CLNK: variants seen among roughly 807,000 people sequenced by gnomAD.
The protein encoded by CLNK is cytokine dependent hematopoietic cell linker.
CLNK carries 74 observed loss-of-function variants against 68.6 expected under a neutral mutation model. That is an observed-to-expected ratio of 1.08 (90% CI 0.89 to 1.31). The LOEUF (loss-of-function observed/expected upper bound fraction) is 1.31. Among genes scored for constraint, CLNK ranks in the 50% most tolerant of loss-of-function variants. CLNK has a pLI of 0.00. For missense variants in CLNK, 553 were observed against 515.3 expected (o/e 1.07, Z -0.71); for synonymous variants, 198 against 172.2 (o/e 1.15, Z -1.17).
intron 2 of CLNK, among the ~76,000 whole-genome samples, chr4:10,644,083 G>A (rs1723419222): frequency 6.6e-6 from 1 of 152,232 alleles, no homozygotes; most frequent in Non-Finnish European, 1.5e-5. Context: ...TGGAATGTCA[G>A]GAAGCTGAGT....
the CLNK span, among the ~76,000 whole-genome samples, chr4:10,695,155 C>T: frequency 6.6e-6 from 1 of 151,556 alleles, no homozygotes; most frequent in Non-Finnish European, 1.5e-5. Context: ...TTGTATATTT[C>T]AAAATTGCTA....
chr4:10,626,722 G>A (rs1722690706), intron 2 of CLNK, among the ~76,000 whole-genome samples: 1 of 152,188 alleles, frequency 6.6e-6, no homozygotes, highest in African/African-American at 2.4e-5. Context: ...AATCATATTT[G>A]ATGACTGCAT....
At chr4:10,734,268 T>C in the CLNK span, among the ~76,000 whole-genome samples, 2 of 152,348 alleles carry the variant, frequency 1.3e-5, no homozygotes, top group East Asian at 3.9e-4. Flanking sequence ...TTTTGTTGCA[T>C]GCAATGCTAT....
chr4:10,590,946 A>C (rs1018464652), intron 3 of CLNK, among the ~76,000 whole-genome samples: 3 of 152,180 alleles, frequency 2.0e-5, no homozygotes, highest in Non-Finnish European at 2.9e-5. Flanking sequence ...ACCATAAACG[A>C]ACCCTTTAAT....
intron 2 of CLNK, among the ~76,000 whole-genome samples, chr4:10,656,176 A>G (rs1414290690): frequency 6.6e-6 from 1 of 152,108 alleles, no homozygotes; most frequent in Non-Finnish European, 1.5e-5. Flanking sequence ...TGAATGAATC[A>G]TAAGGAAAAG....
intron 7 of CLNK, among the ~76,000 whole-genome samples, chr4:10,560,654 G>T (rs1302686469): frequency 6.6e-6 from 1 of 151,930 alleles, no homozygotes; most frequent in Non-Finnish European, 1.5e-5. Context: ...ATGTTACCCA[G>T]GCTGGTCTTG....
Position 10,643,634 on chromosome 4 carries a change from A to G in CLNK, c.11+24225T>C, listed in dbSNP as rs970641539. Among the ~76,000 whole-genome samples, 8 of 152,358 alleles carry G rather than the reference A, an allele frequency of 5.3e-5. No individual in the cohort carries two copies. The East Asian group carries it at 1.3e-3, about 26-fold the overall frequency. On this transcript the variant is annotated intron_variant, in intron 2 of 18. Coordinates refer to ENST00000226951, the MANE Select transcript of CLNK (RefSeq NM_052964.4). ...GGGTGGATGAGGGAGGGGCTACGCC[A>G]GTATCCCCACTCTCACACATGAGAC...
intron 2 of CLNK, among the ~76,000 whole-genome samples, chr4:10,627,485 C>A (rs993032103): frequency 1.3e-5 from 2 of 152,160 alleles, no homozygotes; most frequent in African/African-American, 4.8e-5. Flanking sequence ...TACTTAGTAA[C>A]ATAGAGTACT....
chr4:10,518,128 A>T (rs1263082953), intron 15 of CLNK, among the ~76,000 whole-genome samples: 1 of 152,174 alleles, frequency 6.6e-6, no homozygotes. Context: ...GGAGAGGAAC[A>T]TTGGGACTAG....
intron 15 of CLNK, 81 bp from the exon 16 acceptor site, chr4:10,513,678 C>G (rs1486567128): frequency 1.5e-6 from 2 of 1,373,454 alleles, no homozygotes; most frequent in Non-Finnish European, 1.9e-6. Flanking sequence ...GAGCTGAAAC[C>G]CTTTGCTCCT....
At chr4:10,582,324 A>G (rs1368235328) in intron 4 of CLNK, among the ~76,000 whole-genome samples, 3 of 152,216 alleles carry the variant, frequency 2.0e-5, no homozygotes, top group East Asian at 1.9e-4. Context: ...TAAAATCCTT[A>G]TTAATTTTTC....
intron 2 of CLNK, among the ~76,000 whole-genome samples, chr4:10,631,935 A>G (rs1253777892): frequency 6.6e-6 from 1 of 152,140 alleles, no homozygotes; most frequent in Non-Finnish European, 1.5e-5. Flanking sequence ...TTATTTAAAC[A>G]CCTACCCCTG....
intron 4 of CLNK, among the ~76,000 whole-genome samples, chr4:10,582,496 G>A (rs1720818802): frequency 6.6e-6 from 1 of 151,952 alleles, no homozygotes; most frequent in Non-Finnish European, 1.5e-5. Flanking sequence ...AAGACAGAAG[G>A]ACCCACTTTC....
Position 10,507,974 on chromosome 4 carries a change from G to A in CLNK, c.969C>T (p.Phe323=), listed in dbSNP as rs777623856. 9 of 1,608,194 alleles carry A rather than the reference G, an allele frequency of 5.6e-6. No homozygotes were observed. Among genetic ancestry groups the A allele is most frequent in the Non-Finnish European group, 7.6e-6 (9 of 1,177,130 alleles). Residue 323 remains phenylalanine (F), a synonymous_variant, in exon 17 of 19, where the codon TTC becomes TTT. Transcript: ENST00000226951. The part of the protein sequence containing the change: ...EYSRQAVEEA[F]MKENKDGSFL... ...AAGGCATTACCTTGTTCTCCTTCAT[G>A]AATGCCTCTTCCACTGCCTGGCGGC...
chr4:10,577,697 C>A (rs553731557), intron 4 of CLNK, among the ~76,000 whole-genome samples: 6 of 151,484 alleles, frequency 4.0e-5, no homozygotes, highest in African/African-American at 1.5e-4. Flanking sequence ...AGCAAGAAGG[C>A]GGGAAGAACA....
chr4:10,570,253 C>T (rs964761137), intron 5 of CLNK, among the ~76,000 whole-genome samples: 2 of 152,138 alleles, frequency 1.3e-5, no homozygotes, highest in Non-Finnish European at 2.9e-5. Flanking sequence ...AACCCATTTT[C>T]CAACTTTCCA....
At chr4:10,528,035 C>T in intron 13 of CLNK, 41 bp downstream of exon 13, 1 of 1,155,338 alleles carries the variant, frequency 8.7e-7, no homozygotes, top group Non-Finnish European at 1.2e-6. Flanking sequence ...AGAACCTAGT[C>T]TATTAGTATT....
At chr4:10,530,571 T>A (rs942876278) in intron 12 of CLNK, among the ~76,000 whole-genome samples, 7 of 152,192 alleles carry the variant, frequency 4.6e-5, no homozygotes, top group African/African-American at 1.7e-4. Flanking sequence ...CCAACTAAAG[T>A]TGCAAAGAAA....
At chr4:10,492,766 G>A (rs553707135) in intron 18 of CLNK, among the ~76,000 whole-genome samples, 1 of 152,268 alleles carries the variant, frequency 6.6e-6, no homozygotes, top group Non-Finnish European at 1.5e-5. Flanking sequence ...ATAAAAACGT[G>A]GGGAAAGAAA....
Sources: gnomAD v4.1 joint callset for allele counts (sites outside exome capture counted in the v4.1 genomes callset) on GRCh38, gnomAD v4.1.1 for gene constraint, MANE v1.5 for transcripts, NCBI Gene and HGNC (gene_info 2026-07-23, HGNC 2026-07-21) for gene names.